The following PRR16 variants were observed in gnomAD, a reference collection of about 807,000 sequenced individuals.
The protein encoded by PRR16 is protein Largen.
Under a neutral mutation model 18.2 loss-of-function variants are expected in PRR16, and 6 were observed. That is an observed-to-expected ratio of 0.33 (90% CI 0.18 to 0.65). The LOEUF is 0.65. PRR16 is among the 30% of genes least tolerant of loss of function. The pLI, the probability that PRR16 is intolerant of heterozygous loss-of-function variation, is 0.74. For missense variants in PRR16, 412 were observed against 376.6 expected, an observed-to-expected ratio of 1.09 and a Z score of -0.78; for synonymous variants, 151 against 147.8, an observed-to-expected ratio of 1.02 and a Z score of -0.16.
chr5:120,609,279 G>A (rs1354859212), intron 1 of PRR16, among the ~76,000 whole-genome samples: 1 of 151,662 alleles, frequency 6.6e-6, no homozygotes, highest in African/African-American at 2.4e-5. Flanking sequence ...TTACAATGCT[G>A]TGCAACCATC....
chr5:120,521,969 G>A (rs983057745), intron 1 of PRR16, among the ~76,000 whole-genome samples: 1 of 152,122 alleles, frequency 6.6e-6, no homozygotes, highest in Admixed American at 6.6e-5. Context: ...ATGGTTTCCA[G>A]CTTCATCCAT....
the PRR16 span, among the ~76,000 whole-genome samples, chr5:120,763,871 A>G: frequency 1.3e-5 from 2 of 152,018 alleles, no homozygotes; most frequent in African/African-American, 2.4e-5. Context: ...TTTATTATTA[A>G]TATACAGATA....
chr5:120,466,782 T>C (rs1749119794), intron 1 of PRR16, among the ~76,000 whole-genome samples: 1 of 152,212 alleles, frequency 6.6e-6, no homozygotes, highest in Non-Finnish European at 1.5e-5. Flanking sequence ...GATCTAGAGA[T>C]ACAATTTTGA....
chr5:120,490,124 T>C (rs1396063844), intron 1 of PRR16, among the ~76,000 whole-genome samples: 2 of 152,130 alleles, frequency 1.3e-5, no homozygotes, highest in East Asian at 1.9e-4. Flanking sequence ...CTGACAATTA[T>C]GTGTCTTGGA....
chr5:120,478,192 G>A (rs1034142873), intron 1 of PRR16, among the ~76,000 whole-genome samples: 1 of 152,066 alleles, frequency 6.6e-6, no homozygotes, highest in African/African-American at 2.4e-5. Flanking sequence ...TCCTTCCAAA[G>A]TTCTCAAGGA....
At chr5:120,585,225 G>A (rs1453961498) in intron 1 of PRR16, among the ~76,000 whole-genome samples, 1 of 152,170 alleles carries the variant, frequency 6.6e-6, no homozygotes, top group Non-Finnish European at 1.5e-5. Flanking sequence ...TTTTGAGTCA[G>A]TTGGGCTAAC....
chr5:120,729,413 G>A, the PRR16 span, among the ~76,000 whole-genome samples: 1 of 152,088 alleles, frequency 6.6e-6, no homozygotes, highest in Non-Finnish European at 1.5e-5. Flanking sequence ...TTAAAATGAA[G>A]AGTTGTATGA....
At chr5:120,767,355 C>T in the PRR16 span, among the ~76,000 whole-genome samples, 1 of 151,826 alleles carries the variant, frequency 6.6e-6, no homozygotes, top group African/African-American at 2.4e-5. Flanking sequence ...CAAAGGCAAA[C>T]CTTCACAAAG....
chr5:120,725,201 G>A, the PRR16 span, among the ~76,000 whole-genome samples: 2 of 151,950 alleles, frequency 1.3e-5, no homozygotes, highest in Non-Finnish European at 2.9e-5. Context: ...TGATGAACTA[G>A]GAGTAGATAA....
At chr5:120,536,390 A>G (rs1253111964) in intron 1 of PRR16, among the ~76,000 whole-genome samples, 3 of 152,218 alleles carry the variant, frequency 2.0e-5, no homozygotes, top group Non-Finnish European at 4.4e-5. Context: ...TAGTGCTACA[A>G]TATTGCACAT....
At chr5:120,713,592 G>A in the PRR16 span, among the ~76,000 whole-genome samples, 37,930 of 151,900 alleles carry the variant, frequency 0.25, 5,553 homozygotes, top group East Asian at 0.6. Context: ...TAAACCATTC[G>A]TATTGTGGAC....
At chr5:120,531,585 T>C (rs1054615749) in intron 1 of PRR16, 2 of 152,124 alleles carry the variant, frequency 1.3e-5, no homozygotes, top group Non-Finnish European at 2.9e-5. Flanking sequence ...TGTGGTGTTT[T>C]CCTGTATGAA....
intron 1 of PRR16, among the ~76,000 whole-genome samples, chr5:120,524,799 A>C (rs1727925679): frequency 6.6e-6 from 1 of 152,124 alleles, no homozygotes; most frequent in South Asian, 2.1e-4. Context: ...TATACCCTAT[A>C]AATATATACA....
chr5:120,475,420 T>C (rs1052695747), intron 1 of PRR16, among the ~76,000 whole-genome samples: 12 of 152,210 alleles, frequency 7.9e-5, no homozygotes, highest in Admixed American at 3.3e-4. Context: ...TTTTTTCTTC[T>C]GTTTTTCTGC....
At chr5:120,733,672 C>T in the PRR16 span, among the ~76,000 whole-genome samples, 124 of 152,046 alleles carry the variant, frequency 8.2e-4, no homozygotes, top group African/African-American at 2.9e-3. Context: ...TGGGAAGCGG[C>T]TAGAGTTTTC....
At chr5:120,783,639 A>G in the PRR16 span, among the ~76,000 whole-genome samples, 1 of 152,190 alleles carries the variant, frequency 6.6e-6, no homozygotes, top group Non-Finnish European at 1.5e-5. Context: ...ATATTTTGAT[A>G]GAAGTGTACA....
the PRR16 span, among the ~76,000 whole-genome samples, chr5:120,773,777 A>G: frequency 6.6e-6 from 1 of 152,142 alleles, no homozygotes; most frequent in South Asian, 2.1e-4. Flanking sequence ...GGGAACAAAC[A>G]CAGATGTCTA....
the PRR16 span, among the ~76,000 whole-genome samples, chr5:120,774,272 T>G: frequency 5.3e-5 from 8 of 152,176 alleles, no homozygotes; most frequent in Non-Finnish European, 1.2e-4. Flanking sequence ...AGAATAGGGA[T>G]GCAGGAGAAA....
rs539857501 is a variant in PRR16 at position 120,550,600 on chromosome 5, C to G, written c.159+85955C>G. On this transcript the variant is annotated intron_variant, in intron 1 of 1. Transcript: ENST00000407149. The stretch of plus-strand genomic sequence containing the variant: ...AAAATGCATCATCTCTGAGTCAGGC[C>G]TGGATTTGAATCCTGGTGCTGTTAT... 9.2e-5 allele frequency among the ~76,000 whole-genome samples: 14 copies of G among 152,094 alleles called. No homozygotes were observed. In the South Asian group the frequency reaches 2.1e-3, roughly 23 times the overall value.
Sources: allele counts gnomAD v4.1 joint callset (sites outside exome capture counted in the v4.1 genomes callset), GRCh38; gene constraint gnomAD v4.1.1; transcripts MANE v1.5; gene names NCBI Gene and HGNC (gene_info 2026-07-23, HGNC 2026-07-21).